PPP1R8: variants seen among roughly 807,000 people sequenced by gnomAD.
The protein encoded by PPP1R8 is protein phosphatase 1 regulatory subunit 8.
A neutral mutation model predicts 31.3 loss-of-function variants in PPP1R8; 4 were observed. The ratio of observed to expected loss-of-function variants is 0.13; its 90% CI spans 0.06 to 0.29. PPP1R8 has a LOEUF of 0.29. Among genes scored for constraint, PPP1R8 ranks in the 10% least tolerant of loss-of-function variants. The probability of loss-of-function intolerance (pLI) is 1.00; values close to 1 mark genes in which losing one functional copy is unlikely to be tolerated. For synonymous variants in PPP1R8, 170 were observed against 169.7 expected, an observed-to-expected ratio of 1.00 and a Z score of -0.01; for missense variants, 254 against 440.1, an observed-to-expected ratio of 0.58 and a Z score of 3.78.
intron 1 of PPP1R8, 134 bp downstream of exon 1, chr1:27,831,025 T>C (rs1002630922): frequency 6.4e-6 from 9 of 1,408,738 alleles, no homozygotes; most frequent in East Asian, 5.6e-5. Flanking sequence ...AAAAACTGTT[T>C]GCTGCACCGG....
chr1:27,830,843 C>G lies in PPP1R8; in HGVS notation c.8C>G (p.Ala3Gly). The G allele has an allele frequency of 6.3e-7, 1 of 1,576,296 alleles. No homozygotes were observed. The change falls in exon 1 of 7, where the codon GCA becomes GGA. Residue 3 changes from alanine (A) to glycine (G), a missense_variant. Coordinates refer to ENST00000311772, the MANE Select transcript of PPP1R8 (RefSeq NM_014110.5). MAAAANSGSSLPL... is the reference protein window; with the variant it reads MAGAANSGSSLPL... The stretch of plus-strand genomic sequence containing the variant: ...GGGAGGGGGAGACGCAAGATGGCGG[C>G]AGCCGCGAACTCCGGCTCTAGCCTC...
intron 5 of PPP1R8, among the ~76,000 whole-genome samples, chr1:27,845,303 TG>T (rs2148619270): frequency 6.7e-6 from 1 of 150,048 alleles, no homozygotes; most frequent in Admixed American, 6.6e-5. Context: ...GGCAGGAGAA[TG>T]GCGTGAACCC....
At chr1:27,838,078 G>A (rs1420852705) in intron 2 of PPP1R8, among the ~76,000 whole-genome samples, 2 of 152,038 alleles carry the variant, frequency 1.3e-5, no homozygotes, top group Non-Finnish European at 1.5e-5. Flanking sequence ...GGGCATGGTG[G>A]CGCGTGCCTG....
At position 27,845,218 on chromosome 1, in the gene PPP1R8, A is replaced by G. The variant is rs1037428804; in HGVS notation, c.638-1810A>G. ...ATGCTGGCTAACACGGTGAAACCCC[A>G]TCTCTACTAAAAATATAAAAAATTA... is the stretch of plus-strand genomic sequence containing the variant. On this transcript the variant is annotated intron_variant, in intron 5 of 6. Coordinates refer to ENST00000311772, the MANE Select transcript of PPP1R8 (RefSeq NM_014110.5). Among the ~76,000 whole-genome samples the G allele has an allele frequency of 7.4e-5, 11 of 149,032 alleles. 1 individual carries two copies. Among genetic ancestry groups the G allele is most frequent in the African/African-American group, 2.5e-4 (10 of 39,984 alleles).
In PPP1R8 at chr1:27,843,238, T is replaced by C; in HGVS notation, c.545T>C (p.Ile182Thr). The C allele has an allele frequency of 6.2e-7, 1 of 1,614,078 alleles. No homozygotes were observed. The highest frequency in any genetic ancestry group is 8.5e-7 in the Non-Finnish European group (1 of 1,179,980). Residue 182 changes from isoleucine (I) to threonine (T), a missense_variant, in exon 5 of 7, where the codon ATT (isoleucine) becomes ACT (threonine). Ile to Thr is a moderately conservative substitution (Grantham distance 89, BLOSUM62 -1). Transcript: ENST00000311772. ...AHNKRISTLT[I>T]EEGNLDIQRP... ...AACAAGCGGATTTCTACCCTTACCA[T>C]TGAGGAGGGAAATCTGGACATTCAA...
At chr1:27,847,775 A>T (rs1187471690) in intron 6 of PPP1R8, among the ~76,000 whole-genome samples, 2 of 152,182 alleles carry the variant, frequency 1.3e-5, no homozygotes, top group Non-Finnish European at 2.9e-5. Context: ...GTGAGTGCTT[A>T]ATTTTAAAAT....
intron 2 of PPP1R8, among the ~76,000 whole-genome samples, chr1:27,836,576 G>A (rs548632796): frequency 3.6e-4 from 54 of 152,008 alleles, no homozygotes; most frequent in Admixed American, 1.2e-3. Flanking sequence ...CACCACGCCC[G>A]GCTAATTTTT....
rs1348606016 is a variant in PPP1R8, at chr1:27,850,675, C to G, written c.*229C>G. 2.1e-5 allele frequency: 10 copies of G among 477,452 alleles called. No individual in the cohort carries two copies. The highest frequency in any genetic ancestry group is 3.4e-5 in the Non-Finnish European group (9 of 268,438). 29.6% of individuals were successfully genotyped at this position (477,452 alleles called of 1,614,324 possible). A position where few individuals can be genotyped will look rare whatever the true frequency, so the allele number is the denominator to read the frequency against. ...AGAGAAAGGCTTCTTATATCCTTTT[C>G]AATAGACTGCCCTGGCTCTTTCCTA... On this transcript the variant is annotated 3_prime_UTR_variant, in exon 7 of 7. Coordinates refer to ENST00000311772, the MANE Select transcript of PPP1R8 (RefSeq NM_014110.5).
chr1:27,849,629 C>T (rs2089320584), intron 6 of PPP1R8, among the ~76,000 whole-genome samples: 1 of 152,126 alleles, frequency 6.6e-6, no homozygotes, highest in South Asian at 2.1e-4. Context: ...GCTGTGATTA[C>T]AGGCACCTGC....
At chr1:27,834,526 G>T (rs747456540) in intron 2 of PPP1R8, 20 of 518,800 alleles carry the variant, frequency 3.9e-5, no homozygotes, top group African/African-American at 2.7e-4. Context: ...TAAGCCCAGT[G>T]TGTAAAGATA....
In PPP1R8 at chr1:27,851,639, T is replaced by A; in HGVS notation, c.*1193T>A. The stretch of plus-strand genomic sequence containing the variant: ...TTGGGAGGCAATGCTCCATCCCCAT[T>A]ATATTACAAATAAAGATGCCCTAAA... On this transcript the variant is annotated 3_prime_UTR_variant, in exon 7 of 7. Transcript: ENST00000311772. The A allele has an allele frequency of 2.0e-6, 1 of 490,934 alleles. No individual in the cohort carries two copies. The highest frequency in any genetic ancestry group is 4.1e-6 in the Non-Finnish European group (1 of 244,828). 30.4% of individuals were successfully genotyped at this position (490,934 alleles called of 1,614,324 possible).
chr1:27,836,594 A>G (rs1317508859), intron 2 of PPP1R8, among the ~76,000 whole-genome samples: 2 of 151,038 alleles, frequency 1.3e-5, no homozygotes, highest in Non-Finnish European at 2.9e-5. Context: ...TTTTTTTTGT[A>G]TTTTTAGTAG....
chr1:27,834,645 C>T (rs1557815543), intron 2 of PPP1R8: 1 of 453,216 alleles, frequency 2.2e-6, no homozygotes, highest in Non-Finnish European at 4.4e-6. Flanking sequence ...ATTTCATTCA[C>T]TTGGACAGAA....
intron 2 of PPP1R8, among the ~76,000 whole-genome samples, chr1:27,833,690 A>G (rs1390374867): frequency 6.6e-6 from 1 of 152,208 alleles, no homozygotes. Flanking sequence ...TTTAGGTTCA[A>G]GGCCCCATTA....
intron 4 of PPP1R8, 142 bp from the exon 5 acceptor site, chr1:27,843,042 CTT>C: frequency 4.5e-6 from 4 of 893,652 alleles, no homozygotes; most frequent in Non-Finnish European, 6.9e-6. Context: ...CAGTATGAAT[CTT>C]CTCTAAATGC....
Position 27,848,212 on chromosome 1 carries a change from C to T in PPP1R8, c.702+1120C>T, listed in dbSNP as rs569639156. 8.5e-5 allele frequency among the ~76,000 whole-genome samples: 13 copies of T among 152,152 alleles called. No homozygotes were observed. The South Asian group carries it at 1.7e-3, about 19-fold the overall frequency. ...GGTCAGGAGATCGAGACCATCCTGG[C>T]GAACACGGTGAAACCCCGTCGCTAC... is the stretch of plus-strand genomic sequence containing the variant. On this transcript the variant is annotated intron_variant, in intron 6 of 6. Transcript: ENST00000311772.
intron 3 of PPP1R8, 64 bp from the exon 4 acceptor site, chr1:27,840,950 C>G (rs1230524433): frequency 6.5e-7 from 1 of 1,542,088 alleles, no homozygotes; most frequent in African/African-American, 1.4e-5. Context: ...CGATCATACT[C>G]TTCCTTCTAA....
rs549030490 is a variant in PPP1R8, at chr1:27,843,764, C to T, written c.637+434C>T. 1.9e-4 allele frequency among the ~76,000 whole-genome samples: 29 copies of T among 152,052 alleles called. 1 individual carries two copies. Among genetic ancestry groups the T allele is most frequent in the African/African-American group, 6.7e-4 (28 of 41,484 alleles). ...GGCCAGGATTTCAAGACCAGGGTGG[C>T]CAACATGGCAGAACCCTGTCTCTAC... On this transcript the variant is annotated intron_variant, in intron 5 of 6. Transcript: ENST00000311772.
chr1:27,838,171 A>G (rs2089189282), intron 2 of PPP1R8, among the ~76,000 whole-genome samples: 1 of 148,930 alleles, frequency 6.7e-6, no homozygotes, highest in South Asian at 2.1e-4. Flanking sequence ...AGATTGCACC[A>G]TTGCACTCCA....
Sources: allele counts gnomAD v4.1 joint callset (sites outside exome capture counted in the v4.1 genomes callset), GRCh38; gene constraint gnomAD v4.1.1; transcripts MANE v1.5; gene names NCBI Gene and HGNC (gene_info 2026-07-23, HGNC 2026-07-21).